The following RUNDC3B variants were observed in gnomAD, a reference collection of about 807,000 sequenced individuals.
RUNDC3B encodes the protein RUN domain containing 3B, also known as RUN domain-containing protein 3B.
RUNDC3B carries 33 observed loss-of-function variants against 58.4 expected under a neutral mutation model. The ratio of observed to expected loss-of-function variants is 0.56; its 90% confidence interval spans 0.43 to 0.75. RUNDC3B has a LOEUF of 0.75. RUNDC3B is among the 30% of genes least tolerant of loss of function. The pLI, the probability that RUNDC3B is intolerant of heterozygous loss-of-function variation, is 0.00. For synonymous variants in RUNDC3B, 193 were observed against 195.2 expected (o/e 0.99, Z 0.10); for missense variants, 501 against 535.7 (o/e 0.94, Z 0.64).
At chr7:87,637,915 C>G (rs1821961482) in intron 1 of RUNDC3B, among the ~76,000 whole-genome samples, 2 of 151,768 alleles carry the variant, frequency 1.3e-5, no homozygotes, top group South Asian at 4.2e-4. Flanking sequence ...ATTGCACTGG[C>G]TAGGACCACT....
Position 87,767,625 on chromosome 7 carries a change from G to T in RUNDC3B, c.630-2956G>T, listed in dbSNP as rs746859213. On this transcript the variant is annotated intron_variant, in intron 6 of 10. Coordinates refer to ENST00000394654, the MANE Select transcript of RUNDC3B (RefSeq NM_001134405.2). ...TTCTATCCTCAGATTTCTTTATTTG[G>T]TGATGCAGTTCAATCTCCAGTTCAG... is the stretch of plus-strand genomic sequence containing the variant. Among the ~76,000 whole-genome samples, 67 of 152,248 alleles carry T rather than the reference G, an allele frequency of 4.4e-4. 1 individual carries two copies. Among genetic ancestry groups the T allele is most frequent in the Middle Eastern group, 3.4e-3 (1 of 294 alleles).
At chr7:87,796,359 C>T (rs1835819646) in intron 8 of RUNDC3B, among the ~76,000 whole-genome samples, 1 of 151,720 alleles carries the variant, frequency 6.6e-6, no homozygotes, top group Non-Finnish European at 1.5e-5. Flanking sequence ...TTAATGGGTA[C>T]AATAAAAATA....
chr7:87,720,748 G>A (rs1232517778), intron 4 of RUNDC3B, among the ~76,000 whole-genome samples: 1 of 151,020 alleles, frequency 6.6e-6, no homozygotes, highest in African/African-American at 2.4e-5. Context: ...CTACAGACGC[G>A]TGCCACCACG....
chr7:87,812,402 A>T (rs1044274741), intron 9 of RUNDC3B, among the ~76,000 whole-genome samples: 1 of 152,144 alleles, frequency 6.6e-6, no homozygotes, highest in Non-Finnish European at 1.5e-5. Flanking sequence ...TGAGGTCAGG[A>T]GTTCGAGACC....
intron 7 of RUNDC3B, among the ~76,000 whole-genome samples, chr7:87,776,804 C>T (rs1434922819): frequency 2.6e-5 from 4 of 151,534 alleles, no homozygotes; most frequent in African/African-American, 9.7e-5. Flanking sequence ...ATAGTATTAC[C>T]TACTCTTAAC....
At chr7:87,745,368 T>C (rs1351821406) in intron 6 of RUNDC3B, among the ~76,000 whole-genome samples, 2 of 152,194 alleles carry the variant, frequency 1.3e-5, no homozygotes, top group African/African-American at 4.8e-5. Flanking sequence ...TTCTCTATCT[T>C]ATGGAATAAT....
rs1209709463 is a variant in RUNDC3B at position 87,733,131 on chromosome 7, CG to C, written c.459-6659del. 4.7e-5 allele frequency among the ~76,000 whole-genome samples: 7 copies of C among 149,268 alleles called. No homozygotes were observed. In the South Asian group the frequency reaches 1.3e-3, roughly 28 times the overall value. On this transcript the variant is annotated intron_variant, in intron 4 of 10. Coordinates refer to ENST00000394654, the MANE Select transcript of RUNDC3B (RefSeq NM_001134405.2). ...GCCCTATCTTATCCATATGGACAGG[CG>C]CCCCCCCATGCGTCTGTTTATAGGC...
At chr7:87,779,466 A>G (rs574106234) in intron 8 of RUNDC3B, among the ~76,000 whole-genome samples, 2 of 152,170 alleles carry the variant, frequency 1.3e-5, no homozygotes, top group Non-Finnish European at 2.9e-5. Flanking sequence ...GTTATGTTCT[A>G]TTGGGGATAT....
intron 9 of RUNDC3B, among the ~76,000 whole-genome samples, chr7:87,813,701 CG>C (rs1306877009): frequency 6.6e-6 from 1 of 152,028 alleles, no homozygotes; most frequent in Non-Finnish European, 1.5e-5. Flanking sequence ...AGATTTTGGC[CG>C]GGCGCAGTGG....
At chr7:87,707,551 G>A (rs936126482) in intron 3 of RUNDC3B, among the ~76,000 whole-genome samples, 1 of 152,092 alleles carries the variant, frequency 6.6e-6, no homozygotes, top group African/African-American at 2.4e-5. Context: ...GCACGCACCT[G>A]TAGCCCCAGC....
At chr7:87,638,345 T>TG (rs1822035831) in intron 1 of RUNDC3B, among the ~76,000 whole-genome samples, 3 of 144,790 alleles carry the variant, frequency 2.1e-5, no homozygotes, top group East Asian at 2.0e-4. Flanking sequence ...AAGTATGTGT[T>TG]TGTGTGTGTG....
intron 2 of RUNDC3B, among the ~76,000 whole-genome samples, chr7:87,688,181 G>GA: frequency 6.6e-6 from 1 of 152,198 alleles, no homozygotes; most frequent in Middle Eastern, 3.4e-3. Context: ...TTGTATCTCA[G>GA]AAAATCATCG....
intron 1 of RUNDC3B, among the ~76,000 whole-genome samples, chr7:87,637,356 ATAAGT>A (rs533553636): frequency 5.5e-4 from 84 of 152,234 alleles, no homozygotes; most frequent in Non-Finnish European, 9.7e-4. Context: ...GTGTGGTAAT[ATAAGT>A]TATCTAGCTT....
intron 10 of RUNDC3B, among the ~76,000 whole-genome samples, chr7:87,826,006 T>C (rs1837784894): frequency 2.0e-5 from 3 of 152,276 alleles, no homozygotes; most frequent in East Asian, 1.9e-4. Flanking sequence ...TCAGATGACA[T>C]TGGACTGTGG....
intron 6 of RUNDC3B, among the ~76,000 whole-genome samples, chr7:87,763,527 T>C (rs1352493943): frequency 6.6e-6 from 1 of 151,740 alleles, no homozygotes; most frequent in East Asian, 1.9e-4. Flanking sequence ...TTTTGCTGGA[T>C]ATGTGTCCTT....
intron 7 of RUNDC3B, among the ~76,000 whole-genome samples, chr7:87,776,795 T>A (rs972093738): frequency 1.3e-5 from 2 of 152,060 alleles, no homozygotes; most frequent in African/African-American, 4.8e-5. Context: ...TCTTGAAGAA[T>A]AGTATTACCT....
intron 6 of RUNDC3B, among the ~76,000 whole-genome samples, chr7:87,760,622 G>A (rs1391662106): frequency 6.6e-6 from 1 of 151,928 alleles, no homozygotes. Flanking sequence ...GCTAGCACAA[G>A]GATATACATA....
chr7:87,738,018 G>A (rs929207214), intron 4 of RUNDC3B, among the ~76,000 whole-genome samples: 1 of 152,038 alleles, frequency 6.6e-6, no homozygotes, highest in Admixed American at 6.6e-5. Context: ...AGCAAGAATA[G>A]TTTTGAGCTG....
chr7:87,753,245 G>T (rs1352405535), intron 6 of RUNDC3B, among the ~76,000 whole-genome samples: 1 of 149,116 alleles, frequency 6.7e-6, no homozygotes, highest in African/African-American at 2.5e-5. Flanking sequence ...GAGATAGTTT[G>T]TTATAATTTC....
Sources: allele counts gnomAD v4.1 joint callset (sites outside exome capture counted in the v4.1 genomes callset), GRCh38; gene constraint gnomAD v4.1.1; transcripts MANE v1.5; gene names NCBI Gene and HGNC (gene_info 2026-07-23, HGNC 2026-07-21).